The following KMT2E variants were observed in gnomAD, a reference collection of about 807,000 sequenced individuals.
KMT2E encodes the protein lysine methyltransferase 2E (inactive), also known as histone reader KMT2E.
KMT2E carries 30 observed loss-of-function variants against 184.6 expected under a neutral mutation model. The observed-to-expected ratio is 0.16, with a 90% confidence interval of 0.12 to 0.22. KMT2E has a LOEUF of 0.22. Ranked by LOEUF, KMT2E falls within the 10% of genes least tolerant of loss-of-function variation. The pLI is 1.00. For missense variants in KMT2E, 2,023 were observed against 2,237.4 expected (o/e 0.90, Z 1.93); for synonymous variants, 815 against 776.5 (o/e 1.05, Z -0.82).
rs564942515 is a variant in KMT2E, at chr7:105,107,963, T to G, written c.3468+38T>G. On this transcript the variant is annotated intron_variant, in intron 22 of 26. Coordinates refer to ENST00000311117, the MANE Select transcript of KMT2E (RefSeq NM_182931.3). ...ACAATTTATAGTCCTTTTAATAGTTTTTTTTTTTTTTTCATAATACTACTG... is the reference window on the plus strand; with the variant it reads ...ACAATTTATAGTCCTTTTAATAGTTGTTTTTTTTTTTTCATAATACTACTG... The G allele has an allele frequency of 8.9e-5, 124 of 1,387,698 alleles. No homozygotes were observed. In the South Asian group the frequency reaches 1.7e-3, roughly 19 times the overall value. 86.0% of individuals were successfully genotyped at this position (1,387,698 alleles called of 1,614,324 possible).
Position 105,109,147 on chromosome 7 carries a change from A to T in KMT2E, c.3674A>T (p.Asn1225Ile), listed in dbSNP as rs199976133. ...LPLPTPATVY[N>I]ATSEETSNNC... ...TTACCAACACCAGCTACAGTTTATA[A>T]TGCCACTTCTGAAGAAACTAGCAAT... is the stretch of plus-strand genomic sequence containing the variant. The change falls in exon 23 of 27, where the codon AAT becomes ATT. Residue 1225 changes from asparagine (N) to isoleucine (I), a missense_variant. Around this residue, in one of 8 missense-constraint regions of KMT2E, gnomAD observed 1,108 missense variants for 1,050.9 expected, o/e 1.05. Transcript: ENST00000311117. The T allele has an allele frequency of 6.2e-7, 1 of 1,614,176 alleles. No homozygotes were observed. The highest frequency in any genetic ancestry group is 2.2e-5 in the East Asian group (1 of 44,868).
chr7:105,017,716 GT>G (rs763057705), intron 1 of KMT2E, among the ~76,000 whole-genome samples: 1 of 152,026 alleles, frequency 6.6e-6, no homozygotes, highest in Non-Finnish European at 1.5e-5. Context: ...AGGATTAGTT[GT>G]TTATCTGTTT....
intron 17 of KMT2E, chr7:105,103,821 CTT>C (rs1322950842): frequency 2.2e-5 from 3 of 134,724 alleles, no homozygotes; most frequent in African/African-American, 8.6e-5. Flanking sequence ...TGTACATTTT[CTT>C]TTTCTTTTTT....
intron 1 of KMT2E, among the ~76,000 whole-genome samples, chr7:105,035,283 TG>T (rs1795597809): frequency 6.6e-6 from 1 of 151,712 alleles, no homozygotes; most frequent in Non-Finnish European, 1.5e-5. Flanking sequence ...CTGCCTGCCT[TG>T]GCCTCCCAAA....
At chr7:105,087,824 T>C (rs3213675) in intron 13 of KMT2E, among the ~76,000 whole-genome samples, 6,607 of 137,090 alleles carry the variant, frequency 0.048, 446 homozygotes, top group East Asian at 0.41. Context: ...GTTTTCTTGC[T>C]TTTTTTTTTT....
intron 13 of KMT2E, among the ~76,000 whole-genome samples, chr7:105,087,214 ATATATAT>A (rs1380338195): frequency 6.8e-6 from 1 of 146,794 alleles, no homozygotes; most frequent in Non-Finnish European, 1.5e-5. Flanking sequence ...TGCTTATATA[ATATATAT>A]TATATAAGCA....
chr7:105,069,685 C>T (rs1315592968), intron 6 of KMT2E, among the ~76,000 whole-genome samples: 1 of 152,132 alleles, frequency 6.6e-6, no homozygotes, highest in Admixed American at 6.5e-5. Context: ...ATATCTTTTA[C>T]CTGTTTTGCC....
At chr7:105,091,093 T>C (rs946546305) in intron 14 of KMT2E, 123 bp from the exon 15 acceptor site, 31 of 503,776 alleles carry the variant, frequency 6.2e-5, no homozygotes, top group Non-Finnish European at 9.0e-5. Flanking sequence ...ATTTCTTAAA[T>C]AATTTAAATA....
intron 1 of KMT2E, among the ~76,000 whole-genome samples, chr7:105,037,154 A>AAT (rs568783702): frequency 3.9e-5 from 6 of 152,208 alleles, no homozygotes; most frequent in Admixed American, 6.5e-5. Flanking sequence ...ACACATCCAA[A>AAT]ATATATACAT....
intron 13 of KMT2E, chr7:105,089,469 G>GCTA: frequency 4.8e-6 from 1 of 210,256 alleles, no homozygotes; most frequent in Non-Finnish European, 9.8e-6. Flanking sequence ...ACAGGCAAGA[G>GCTA]CCACTGTGCC....
At chr7:105,028,532 C>T (rs1017382245) in intron 1 of KMT2E, among the ~76,000 whole-genome samples, 1 of 151,966 alleles carries the variant, frequency 6.6e-6, no homozygotes, top group Non-Finnish European at 1.5e-5. Flanking sequence ...GTCTCATTCA[C>T]CCAGGCTGGA....
chr7:105,086,866 T>TTAGCATATATATGCTATATATTA (rs1797988228), intron 13 of KMT2E, among the ~76,000 whole-genome samples: 1 of 145,308 alleles, frequency 6.9e-6, no homozygotes, highest in Non-Finnish European at 1.5e-5. Context: ...ATAATATATA[T>TTAGCATATATATGCTATATATTA]TAGCATATAT....
chr7:105,102,273 T>G (rs544751613), intron 17 of KMT2E, 79 bp downstream of exon 17: 1 of 1,233,922 alleles, frequency 8.1e-7, no homozygotes, highest in African/African-American at 1.6e-5. Flanking sequence ...AAAATTGGAT[T>G]TTTAAGACCT....
At chr7:105,070,337 T>C (rs1797231270) in intron 6 of KMT2E, among the ~76,000 whole-genome samples, 1 of 152,008 alleles carries the variant, frequency 6.6e-6, no homozygotes. Flanking sequence ...TTTTTGTTTT[T>C]TAAGAATTGT....
chr7:105,016,078 A>G (rs1437600280), intron 1 of KMT2E, among the ~76,000 whole-genome samples: 1 of 152,250 alleles, frequency 6.6e-6, no homozygotes, highest in African/African-American at 2.4e-5. Context: ...CTGTATAAGT[A>G]TCATCTATTT....
At chr7:105,103,237 G>A (rs1189380296) in intron 17 of KMT2E, 1 of 152,082 alleles carries the variant, frequency 6.6e-6, no homozygotes, top group Non-Finnish European at 1.5e-5. Flanking sequence ...GTTGTGGTAC[G>A]ATAAATTTAT....
chr7:105,070,200 GC>G (rs1797225342), intron 6 of KMT2E, among the ~76,000 whole-genome samples: 1 of 151,762 alleles, frequency 6.6e-6, no homozygotes, highest in Admixed American at 6.5e-5. Context: ...TGGGTTAAAT[GC>G]CCAAGAGAAC....
chr7:105,095,829 A>T (rs1380037753), intron 15 of KMT2E, among the ~76,000 whole-genome samples: 1 of 152,108 alleles, frequency 6.6e-6, no homozygotes, highest in African/African-American at 2.4e-5. Flanking sequence ...ATATTTGTGG[A>T]GGTGGGGCTA....
intron 17 of KMT2E, chr7:105,102,422 T>C: frequency 2.8e-6 from 1 of 360,224 alleles, no homozygotes; most frequent in Non-Finnish European, 4.9e-6. Context: ...TTTATGGTAT[T>C]GCAATTCATG....
Sources: allele counts gnomAD v4.1 joint callset (sites outside exome capture counted in the v4.1 genomes callset), GRCh38; gene constraint gnomAD v4.1.1; regional missense constraint gnomAD v4.1.1; transcripts MANE v1.5; gene names NCBI Gene and HGNC (gene_info 2026-07-23, HGNC 2026-07-21).